Variants in VWA1 observed in about 807,000 individuals in gnomAD.
VWA1 encodes the protein von Willebrand factor A domain containing 1.
In VWA1, 12 loss-of-function variants were observed where a neutral mutation model predicts 14.9. The ratio of observed to expected loss-of-function variants is 0.80; its 90% CI spans 0.52 to 1.30. VWA1 has a LOEUF of 1.30. VWA1 is among the 50% of genes most tolerant of loss of function. The pLI is 0.00. For synonymous variants in VWA1, 368 were observed against 310.7 expected (o/e 1.18, Z -1.94); for missense variants, 800 against 649.1 (o/e 1.23, Z -2.53).
At chr1:1,436,141 C>T (rs188993365) in intron 1 of VWA1, among the ~76,000 whole-genome samples, 5 of 152,300 alleles carry the variant, frequency 3.3e-5, no homozygotes, top group African/African-American at 9.6e-5. Flanking sequence ...CTTGCGAGGG[C>T]CCTTAGTGGA....
In VWA1 at chr1:1,439,922, G is replaced by T. The variant is rs1638630700; in HGVS notation, c.*135G>T. 1.0e-6 allele frequency: 1 copy of T among 989,060 alleles called. No homozygotes were observed. The highest frequency in any genetic ancestry group is 1.2e-6 in the Non-Finnish European group (1 of 822,752). The allele number at this position is 989,060 out of a possible 1,614,324, so 61.3% of individuals were successfully genotyped here. On this transcript the variant is annotated 3_prime_UTR_variant, in exon 3 of 3. Transcript: ENST00000476993. Reference sequence around the variant, plus strand: ...CCCCACGCGGACTCCGCGCGACCCCGGCCCTCTCCCTGCGGCCGCAGGGCT... The same window carrying T: ...CCCCACGCGGACTCCGCGCGACCCCTGCCCTCTCCCTGCGGCCGCAGGGCT...
At position 1,439,720 on chromosome 1, in the gene VWA1, G is replaced by T. The variant is rs1638622277; in HGVS notation, c.1271G>T (p.Gly424Val). ...TCCGCCAAGGCCTGCACGCCCGACG[G>T]CCCGCGCCCGCGCCCACGCCCCGTG... ...ALSAKACTPD[G>V]PRPRPRPVPR... Residue 424 changes from glycine to valine, a missense_variant, in exon 3 of 3, where the codon GGC becomes GTC. Physicochemically the swap from Gly to Val is moderately radical, Grantham distance 109. Transcript: ENST00000476993. The T allele has an allele frequency of 7.1e-6, 8 of 1,131,766 alleles. No individual in the cohort carries two copies. The highest frequency in any genetic ancestry group is 8.7e-6 in the Non-Finnish European group (8 of 923,080). The allele number at this position is 1,131,766 out of a possible 1,614,324, so 70.1% of individuals were successfully genotyped here. A position where few individuals can be genotyped will look rare whatever the true frequency, so the allele number is the denominator to read the frequency against.
rs1240209541 is a variant in VWA1 at position 1,439,219 on chromosome 1, G to A, written c.770G>A (p.Arg257Lys). The change falls in exon 3 of 3, where the codon AGA becomes AAA. Residue 257 changes from arginine (R) to lysine (K), a missense_variant. Arg to Lys is a conservative substitution (Grantham distance 26). Transcript: ENST00000476993. ...LVPSAQPGAA[R>K]RQQLPGNATD... ...CCCAGCGCCCAGCCGGGGGCTGCAA[G>A]ACGCCAGCAGCTGCCAGGGAACGCC... The A allele has an allele frequency of 9.3e-6, 15 of 1,607,290 alleles. No homozygotes were observed. The highest frequency in any genetic ancestry group is 1.3e-5 in the African/African-American group (1 of 75,026).
At position 1,439,328 on chromosome 1, in the gene VWA1, GC is replaced by G; in HGVS notation, c.883del (p.Gln295ArgfsTer56). 1.3e-6 allele frequency: 2 copies of G among 1,580,108 alleles called. No individual in the cohort carries two copies. On this transcript the variant is annotated frameshift_variant, in exon 3 of 3. Transcript: ENST00000476993. LOFTEE classifies it low-confidence loss of function (END_TRUNC). ...VPESNVRLLR[P>X]QILRVRTRPG... Reference sequence around the variant, plus strand: ...CTGAGTCCAACGTGCGCCTCCTGAGGCCCCAGATCCTGCGGGTGCGCACGCG... The same window carrying G: ...CTGAGTCCAACGTGCGCCTCCTGAGGCCCAGATCCTGCGGGTGCGCACGCG...
rs889094238 is a variant in VWA1, at chr1:1,440,226, C to T, written c.*439C>T. ...CGCGGGAAGCTGGCCCAGGTCAGGT[C>T]CGCAAAGGCTTCTGAAGAAGAGGAA... is the stretch of plus-strand genomic sequence containing the variant. On this transcript the variant is annotated 3_prime_UTR_variant, in exon 3 of 3. Transcript: ENST00000476993. The T allele has an allele frequency of 3.6e-5, 6 of 167,028 alleles. No individual in the cohort carries two copies. Among genetic ancestry groups the T allele is most frequent in the African/African-American group, 1.4e-4 (6 of 41,458 alleles). 10.3% of individuals were successfully genotyped at this position (167,028 alleles called of 1,614,324 possible). A position where few individuals can be genotyped will look rare whatever the true frequency, so the allele number is the denominator to read the frequency against.
At position 1,439,612 on chromosome 1, in the gene VWA1, C is replaced by A; in HGVS notation, c.1163C>A (p.Thr388Asn). Residue 388 changes from threonine (T) to asparagine (N), a missense_variant, in exon 3 of 3, where the codon ACC becomes AAC. Physicochemically the swap from Thr to Asn is moderately conservative, Grantham distance 65. Coordinates refer to ENST00000476993, the MANE Select transcript of VWA1 (RefSeq NM_022834.5). Reference sequence around the variant, plus strand: ...GAGGTGCCCGCGGGCCGCAACTGCACCACGCTGCAGGGCCTGGCGCCGGGC... The same window carrying A: ...GAGGTGCCCGCGGGCCGCAACTGCAACACGCTGCAGGGCCTGGCGCCGGGC... Reference protein sequence around the residue: ...RVEVPAGRNCTTLQGLAPGTA... With the variant: ...RVEVPAGRNCNTLQGLAPGTA... The A allele has an allele frequency of 7.6e-7, 1 of 1,309,096 alleles. No individual in the cohort carries two copies. Among genetic ancestry groups the A allele is most frequent in the Non-Finnish European group, 9.7e-7 (1 of 1,028,386 alleles). 81.1% of individuals were successfully genotyped at this position (1,309,096 alleles called of 1,614,324 possible). A position where few individuals can be genotyped will look rare whatever the true frequency, so the allele number is the denominator to read the frequency against.
chr1:1,440,311 C>CA lies in VWA1; in HGVS notation c.*525dup, dbSNP rs1306448036. 6.0e-6 allele frequency: 1 copy of CA among 166,990 alleles called. No individual in the cohort carries two copies. Among genetic ancestry groups the CA allele is most frequent in the Admixed American group, 6.5e-5 (1 of 15,298 alleles). 10.3% of individuals were successfully genotyped at this position (166,990 alleles called of 1,614,324 possible). A position where few individuals can be genotyped will look rare whatever the true frequency, so the allele number is the denominator to read the frequency against. The stretch of plus-strand genomic sequence containing the variant: ...CAGGATGCTCAGCTGGCCAGGAGGG[C>CA]AGCACCTGCTGGGGACGGTGGCCCT... On this transcript the variant is annotated 3_prime_UTR_variant, in exon 3 of 3. Transcript: ENST00000476993.
At position 1,437,031 on chromosome 1, in the gene VWA1, C is replaced by A. The variant is rs868719209; in HGVS notation, c.178C>A (p.Leu60Met). Residue 60 changes from leucine (L) to methionine (M), a missense_variant, in exon 2 of 3, where the codon CTG (leucine) becomes ATG (methionine). Leu to Met is a conservative substitution (Grantham distance 15, BLOSUM62 2). Transcript: ENST00000476993. ...CCGGGTTCGGGAGTTTGTGGGGCAG[C>A]TGGTGGCTCCACTGCCCCTGGGCAC... ...FSRVREFVGQ[L>M]VAPLPLGTGA... 1 of 1,612,126 alleles carries A rather than the reference C, an allele frequency of 6.2e-7. No individual in the cohort carries two copies.
At chr1:1,436,026 C>CG (rs1638531902) in intron 1 of VWA1, among the ~76,000 whole-genome samples, 1 of 152,064 alleles carries the variant, frequency 6.6e-6, no homozygotes, top group African/African-American at 2.4e-5. Context: ...CCGTGAGCGC[C>CG]GGGGCATAGG....
In VWA1 at chr1:1,439,448, C is replaced by T. The variant is rs924764495; in HGVS notation, c.999C>T (p.Ala333=). The T allele has an allele frequency of 3.5e-6, 5 of 1,410,530 alleles. No homozygotes were observed. Among genetic ancestry groups the T allele is most frequent in the Middle Eastern group, 4.8e-4 (2 of 4,124 alleles). The allele number at this position is 1,410,530 out of a possible 1,614,324, so 87.4% of individuals were successfully genotyped here. ...CCGCCCTCCCCGCCCCAGAGGAGGC[C>T]GGGCCAGAGCGCATCGTCATCTCCC... ...QLAALPAPEE[A]GPERIVISHA... Residue 333 remains alanine, a synonymous_variant, in exon 3 of 3, where the codon GCC becomes GCT. Coordinates refer to ENST00000476993, the MANE Select transcript of VWA1 (RefSeq NM_022834.5).
At chr1:1,435,957 G>A (rs1409231613) in intron 1 of VWA1, 136 bp downstream of exon 1, 19 of 628,110 alleles carry the variant, frequency 3.0e-5, no homozygotes, top group Non-Finnish European at 3.8e-5. Context: ...GGGCGGGGGC[G>A]CGGGCGGAGC....
At position 1,437,118 on chromosome 1, in the gene VWA1, G is replaced by C. The variant is rs768572549; in HGVS notation, c.265G>C (p.Gly89Arg). The C allele has an allele frequency of 4.4e-6, 7 of 1,605,828 alleles. No homozygotes were observed. The Admixed American group carries it at 1.2e-4, about 27-fold the overall frequency. The change falls in exon 2 of 3, where the codon GGC (glycine) becomes CGC (arginine). Residue 89 changes from glycine (G) to arginine (R), a missense_variant. Gly to Arg is a moderately radical substitution (Grantham distance 125). Coordinates refer to ENST00000476993, the MANE Select transcript of VWA1 (RefSeq NM_022834.5). ...GSRPYTEFPF[G>R]QHSSGEAAQD... ...TCGGCCATACACCGAGTTCCCCTTC[G>C]GCCAGCACAGCTCGGGTGAGGCTGC... is the stretch of plus-strand genomic sequence containing the variant.
chr1:1,439,977 G>A lies in VWA1; in HGVS notation c.*190G>A. ...CGCCTGGCGCCTGCCCTCCAGGGCT[G>A]GGGCCTCGCCTGGCGGGACCCCGCA... On this transcript the variant is annotated 3_prime_UTR_variant, in exon 3 of 3. Coordinates refer to ENST00000476993, the MANE Select transcript of VWA1 (RefSeq NM_022834.5). 4 of 664,726 alleles carry A rather than the reference G, an allele frequency of 6.0e-6. No individual in the cohort carries two copies. The highest frequency in any genetic ancestry group is 7.7e-6 in the Non-Finnish European group (4 of 522,616). 41.2% of individuals were successfully genotyped at this position (664,726 alleles called of 1,614,324 possible). A position where few individuals can be genotyped will look rare whatever the true frequency, so the allele number is the denominator to read the frequency against.
rs369659789 is a variant in VWA1 at position 1,439,121 on chromosome 1, G to C, written c.672G>C (p.Thr224=). The C allele has an allele frequency of 1.9e-4, 311 of 1,600,716 alleles. 2 individuals are homozygous for C. The highest frequency in any genetic ancestry group is 1.9e-4 in the Non-Finnish European group (219 of 1,179,484). ...RPQQLHATEI[T]SSGFRLAWPP... is the part of the protein sequence containing the mutation. ...AGCAGCTCCATGCCACGGAGATCAC[G>C]TCCAGCGGCTTCCGCCTGGCCTGGC... is the stretch of plus-strand genomic sequence containing the variant. The change falls in exon 3 of 3, where the codon ACG becomes ACC. Residue 224 remains threonine (T), a synonymous_variant. Transcript: ENST00000476993.
chr1:1,440,002 A>AGCAGCC lies in VWA1; in HGVS notation c.*216_*221dup, dbSNP rs1340192080. 2 of 405,844 alleles carry AGCAGCC rather than the reference A, an allele frequency of 4.9e-6. No individual in the cohort carries two copies. Among genetic ancestry groups the AGCAGCC allele is most frequent in the Admixed American group, 6.2e-5 (1 of 16,044 alleles). 25.1% of individuals were successfully genotyped at this position (405,844 alleles called of 1,614,324 possible). A position where few individuals can be genotyped will look rare whatever the true frequency, so the allele number is the denominator to read the frequency against. ...GGGGCCTCGCCTGGCGGGACCCCGC[A>AGCAGCC]GCAGCCCCGGCCCCATCCCCGCCCA... On this transcript the variant is annotated 3_prime_UTR_variant, in exon 3 of 3. Transcript: ENST00000476993.
At position 1,441,139 on chromosome 1, in the gene VWA1, G is replaced by A. The variant is rs1019155671; in HGVS notation, c.*1352G>A. On this transcript the variant is annotated 3_prime_UTR_variant, in exon 3 of 3. Transcript: ENST00000476993. ...CTGCCCCTTTCCCCACGTGGACTCT[G>A]CGTGACCCCAGGAACTGCAGCATTG... The A allele has an allele frequency of 2.6e-5, 4 of 152,258 alleles. No homozygotes were observed. Among genetic ancestry groups the A allele is most frequent in the African/African-American group, 9.7e-5 (4 of 41,434 alleles). The allele number at this position is 152,258 out of a possible 1,614,324, so 9.4% of individuals were successfully genotyped here.
chr1:1,439,614 A>G lies in VWA1; in HGVS notation c.1165A>G (p.Thr389Ala). The change falls in exon 3 of 3, where the codon ACG (threonine) becomes GCG (alanine). Residue 389 changes from threonine (T) to alanine (A), a missense_variant. Physicochemically the swap from Thr to Ala is moderately conservative, Grantham distance 58 (BLOSUM62 0). Coordinates refer to ENST00000476993, the MANE Select transcript of VWA1 (RefSeq NM_022834.5). ...VEVPAGRNCT[T>A]LQGLAPGTAY... ...GGTGCCCGCGGGCCGCAACTGCACC[A>G]CGCTGCAGGGCCTGGCGCCGGGCAC... The G allele has an allele frequency of 1.5e-6, 2 of 1,311,432 alleles. No homozygotes were observed. Among genetic ancestry groups the G allele is most frequent in the Non-Finnish European group, 1.9e-6 (2 of 1,029,238 alleles). The allele number at this position is 1,311,432 out of a possible 1,614,324, so 81.2% of individuals were successfully genotyped here.
At chr1:1,437,517 T>C (rs781485620) in intron 2 of VWA1, 33 bp downstream of exon 2, 2 of 1,570,520 alleles carry the variant, frequency 1.3e-6, no homozygotes, top group Non-Finnish European at 1.7e-6. Context: ...CAGGGAGCCC[T>C]AGCTGGGAGC....
At chr1:1,438,494 A>C (rs1638591459) in intron 2 of VWA1, among the ~76,000 whole-genome samples, 1 of 152,156 alleles carries the variant, frequency 6.6e-6, no homozygotes, top group Non-Finnish European at 1.5e-5. Flanking sequence ...CCCAGCGCAG[A>C]CATTTATGAG....
Sources: gnomAD v4.1 joint callset for allele counts (sites outside exome capture counted in the v4.1 genomes callset) on GRCh38, gnomAD v4.1.1 for gene constraint, MANE v1.5 for transcripts, NCBI Gene and HGNC (gene_info 2026-07-23, HGNC 2026-07-21) for gene names.